GLRA2: variants seen among roughly 807,000 people sequenced by gnomAD.
The protein encoded by GLRA2 is glycine receptor alpha 2.
In GLRA2, 11 loss-of-function variants were observed where a neutral mutation model predicts 31.6. The ratio of observed to expected loss-of-function variants is 0.35; its 90% CI spans 0.22 to 0.58. The LOEUF is 0.58. GLRA2 is among the 20% of genes least tolerant of loss of function. The pLI is 0.84. For synonymous variants in GLRA2, 132 were observed against 134.0 expected, an observed-to-expected ratio of 0.99 and a Z score of 0.10; for missense variants, 212 against 351.8, an observed-to-expected ratio of 0.60 and a Z score of 3.18.
At chrX:14,575,240 A>T (rs1433953700) in intron 3 of GLRA2, among the ~76,000 whole-genome samples, 1 of 103,077 alleles carries the variant, frequency 9.7e-6, no homozygotes, top group Admixed American at 1.1e-4. Flanking sequence ...TCTCTCTGTC[A>T]CCCGGGCTGG....
At chrX:14,673,987 C>A (rs1229827532) in intron 7 of GLRA2, among the ~76,000 whole-genome samples, 1 of 112,424 alleles carries the variant, frequency 8.9e-6, no homozygotes, top group Non-Finnish European at 1.9e-5. Context: ...ATTCTTCTGA[C>A]TCATCGCCAG....
chrX:14,463,800 G>T, the GLRA2 span, among the ~76,000 whole-genome samples: 1 of 111,596 alleles, frequency 9.0e-6, no homozygotes, highest in Non-Finnish European at 1.9e-5. Flanking sequence ...ACTATGAGAG[G>T]GAAATCCCCT....
At chrX:14,450,171 A>T in the GLRA2 span, among the ~76,000 whole-genome samples, 4 of 112,423 alleles carry the variant, frequency 3.6e-5, no homozygotes, top group Admixed American at 1.9e-4. Flanking sequence ...TACAGGTGCC[A>T]TACAAGTTGC....
At chrX:14,488,085 A>C in the GLRA2 span, among the ~76,000 whole-genome samples, 1 of 111,499 alleles carries the variant, frequency 9.0e-6, no homozygotes. Context: ...GGCAGAATGC[A>C]TACTCCCCTC....
intron 2 of GLRA2, among the ~76,000 whole-genome samples, chrX:14,550,200 T>C (rs1043650030): frequency 2.8e-5 from 3 of 108,554 alleles, no homozygotes; most frequent in Non-Finnish European, 5.7e-5. Flanking sequence ...GTTTAAAAGA[T>C]TGGTGCCAAA....
In GLRA2 at chrX:14,530,093, G is replaced by T; in HGVS notation, c.36G>T (p.Leu12Phe). The T allele has an allele frequency of 8.3e-7, 1 of 1,201,218 alleles. No homozygotes were observed. Among genetic ancestry groups the T allele is most frequent in the South Asian group, 1.8e-5 (1 of 56,722 alleles). ...NRQLVNILTA[L>F]FAFFLETNHF... The stretch of plus-strand genomic sequence containing the variant: ...AGCTAGTGAACATTTTGACAGCCTT[G>T]TTTGCATTTTTCTTAGAGACAAACC... The change falls in exon 1 of 9, where the codon TTG becomes TTT. Residue 12 changes from leucine (L) to phenylalanine (F), a missense_variant. Around this residue, in one of 5 missense-constraint regions of GLRA2, gnomAD observed 33 missense variants for 27.7 expected, o/e 1.19. Transcript: ENST00000218075.
At chrX:14,572,355 A>G (rs1477547472) in intron 2 of GLRA2, among the ~76,000 whole-genome samples, 1 of 111,891 alleles carries the variant, frequency 8.9e-6, no homozygotes, top group Non-Finnish European at 1.9e-5. Flanking sequence ...TCTATCTTGC[A>G]TATAAGAATT....
At chrX:14,709,908 C>T (rs2091688929) in intron 8 of GLRA2, among the ~76,000 whole-genome samples, 1 of 112,103 alleles carries the variant, frequency 8.9e-6, no homozygotes, top group African/African-American at 3.2e-5. Context: ...AGCTTACCAA[C>T]ATCATTCAAA....
Position 14,730,683 on chromosome X carries a change from G to T in GLRA2, c.*198G>T. 1 of 417,691 alleles carries T rather than the reference G, an allele frequency of 2.4e-6. No individual in the cohort carries two copies. The highest frequency in any genetic ancestry group is 4.1e-5 in the Admixed American group (1 of 24,284). 34.4% of individuals were successfully genotyped at this position (417,691 alleles called of 1,213,427 possible). The stretch of plus-strand genomic sequence containing the variant: ...GATGAAGAAAACTGCACAAAATTAA[G>T]GGGTTGCAGAATCACGGGAGCATAA... On this transcript the variant is annotated 3_prime_UTR_variant, in exon 9 of 9. Coordinates refer to ENST00000218075, the MANE Select transcript of GLRA2 (RefSeq NM_002063.4).
At chrX:14,644,727 C>A (rs952666586) in intron 7 of GLRA2, among the ~76,000 whole-genome samples, 3 of 111,870 alleles carry the variant, frequency 2.7e-5, no homozygotes, top group African/African-American at 9.7e-5. Flanking sequence ...TTCTACCAAG[C>A]AATAATTTTA....
the GLRA2 span, among the ~76,000 whole-genome samples, chrX:14,453,672 T>C: frequency 8.9e-6 from 1 of 111,880 alleles, no homozygotes; most frequent in East Asian, 2.8e-4. Context: ...CACACAGCAG[T>C]TGCACTCTTG....
chrX:14,458,577 G>A, the GLRA2 span, among the ~76,000 whole-genome samples: 4 of 112,433 alleles, frequency 3.6e-5, no homozygotes, highest in African/African-American at 1.3e-4. Flanking sequence ...ACTGGTGCGA[G>A]ATGGTATCTC....
the GLRA2 span, among the ~76,000 whole-genome samples, chrX:14,451,074 G>T: frequency 1.8e-5 from 2 of 111,100 alleles, no homozygotes; most frequent in Non-Finnish European, 3.8e-5. Context: ...CATAAATACA[G>T]GAAAATAATC....
chrX:14,599,140 C>A (rs776480319), intron 4 of GLRA2, among the ~76,000 whole-genome samples: 2 of 112,313 alleles, frequency 1.8e-5, no homozygotes, highest in Non-Finnish European at 3.8e-5. Context: ...AGAAGCAGGG[C>A]CTCTGTGAAG....
At chrX:14,568,767 A>AAGTTGGAC (rs2089844810) in intron 2 of GLRA2, among the ~76,000 whole-genome samples, 1 of 110,658 alleles carries the variant, frequency 9.0e-6, no homozygotes, top group Non-Finnish European at 1.9e-5. Flanking sequence ...CAAAACAATG[A>AAGTTGGAC]AGTTGGACCT....
At chrX:14,641,893 A>C (rs945261170) in intron 7 of GLRA2, among the ~76,000 whole-genome samples, 1 of 112,220 alleles carries the variant, frequency 8.9e-6, no homozygotes, top group Non-Finnish European at 1.9e-5. Context: ...CATATGCCTA[A>C]TGGCTCTGTT....
chrX:14,709,727 T>C (rs1220077738), intron 8 of GLRA2, among the ~76,000 whole-genome samples: 2 of 111,908 alleles, frequency 1.8e-5, no homozygotes, highest in African/African-American at 3.3e-5. Flanking sequence ...TGCTTTGATC[T>C]GCAGTCCAAT....
At chrX:14,656,599 T>G (rs1299718582) in intron 7 of GLRA2, among the ~76,000 whole-genome samples, 2 of 112,229 alleles carry the variant, frequency 1.8e-5, no homozygotes, top group African/African-American at 6.5e-5. Flanking sequence ...GAAGTCAATG[T>G]TTTTGTTCAG....
chrX:14,495,135 T>C, the GLRA2 span, among the ~76,000 whole-genome samples: 2 of 111,587 alleles, frequency 1.8e-5, no homozygotes, highest in African/African-American at 6.5e-5. Flanking sequence ...CACCATACAA[T>C]GAGTTTCCTA....
Sources: allele counts gnomAD v4.1 joint callset (sites outside exome capture counted in the v4.1 genomes callset), GRCh38; gene constraint gnomAD v4.1.1; regional missense constraint gnomAD v4.1.1; transcripts MANE v1.5; gene names NCBI Gene and HGNC (gene_info 2026-07-23, HGNC 2026-07-21).